The following PLD5 variants were observed in gnomAD, a reference collection of about 807,000 sequenced individuals.
PLD5 encodes phospholipase D family member 5.
Under a neutral mutation model 61.1 loss-of-function variants are expected in PLD5, and 36 were observed. The ratio of observed to expected loss-of-function variants is 0.59; its 90% confidence interval spans 0.45 to 0.78. PLD5 has a LOEUF of 0.78. PLD5 is among the 30% of genes least tolerant of loss of function. The pLI is 0.00. For missense variants in PLD5, 515 were observed against 644.4 expected, an observed-to-expected ratio of 0.80 and a Z score of 2.17; for synonymous variants, 243 against 242.8, an observed-to-expected ratio of 1.00 and a Z score of -0.01.
chr1:242,288,586 A>C, intron 2 of PLD5, 56 bp from the exon 3 acceptor site: 1 of 1,553,738 alleles, frequency 6.4e-7, no homozygotes, highest in Non-Finnish European at 8.7e-7. Flanking sequence ...TTGAAGCCAC[A>C]GATCTTTATA....
chr1:242,219,501 A>T (rs1157766913), intron 5 of PLD5, among the ~76,000 whole-genome samples: 1 of 152,216 alleles, frequency 6.6e-6, no homozygotes, highest in Non-Finnish European at 1.5e-5. Flanking sequence ...GACACAAATA[A>T]ATGCATAAAA....
At chr1:242,447,874 G>A (rs755213593) in intron 1 of PLD5, among the ~76,000 whole-genome samples, 2 of 152,162 alleles carry the variant, frequency 1.3e-5, no homozygotes, top group African/African-American at 2.4e-5. Flanking sequence ...ATGCTGGCGC[G>A]AGAGGGACTC....
chr1:242,329,664 G>A (rs1450221053), intron 2 of PLD5, among the ~76,000 whole-genome samples: 1 of 152,198 alleles, frequency 6.6e-6, no homozygotes, highest in Non-Finnish European at 1.5e-5. Context: ...AGGAGAAGGG[G>A]AGTTAATTCT....
chr1:242,179,871 C>G (rs1667403679), intron 5 of PLD5, among the ~76,000 whole-genome samples: 1 of 152,082 alleles, frequency 6.6e-6, no homozygotes, highest in African/African-American at 2.4e-5. Flanking sequence ...CCACTGCACT[C>G]CAGCCTAGGT....
At chr1:242,461,515 G>T (rs1667118070) in intron 1 of PLD5, among the ~76,000 whole-genome samples, 1 of 152,106 alleles carries the variant, frequency 6.6e-6, no homozygotes, top group African/African-American at 2.4e-5. Context: ...TAAATAATTT[G>T]TCCATTAATA....
chr1:242,397,580 T>C (rs1307260476), intron 1 of PLD5, among the ~76,000 whole-genome samples: 1 of 152,070 alleles, frequency 6.6e-6, no homozygotes, highest in Admixed American at 6.5e-5. Context: ...ATGTTCTCTG[T>C]TTCAATAGGG....
At chr1:242,219,218 A>G (rs1166480724) in intron 5 of PLD5, among the ~76,000 whole-genome samples, 1 of 152,218 alleles carries the variant, frequency 6.6e-6, no homozygotes, top group South Asian at 2.1e-4. Context: ...AGTTGAGCAT[A>G]ATAGAAAGGA....
intron 1 of PLD5, among the ~76,000 whole-genome samples, chr1:242,512,055 T>C (rs1025617871): frequency 1.3e-5 from 2 of 152,006 alleles, no homozygotes; most frequent in East Asian, 1.9e-4. Flanking sequence ...TAGGAATCAG[T>C]TGAGTCAGAA....
intron 4 of PLD5, among the ~76,000 whole-genome samples, chr1:242,233,492 A>G (rs1428645862): frequency 6.7e-6 from 1 of 148,592 alleles, no homozygotes; most frequent in African/African-American, 2.5e-5. Flanking sequence ...CTGATTTCTA[A>G]TGAGTCCCCT....
intron 4 of PLD5, among the ~76,000 whole-genome samples, chr1:242,243,168 C>A (rs575148294): frequency 4.6e-5 from 7 of 152,202 alleles, no homozygotes; most frequent in Non-Finnish European, 8.8e-5. Context: ...AACACATATG[C>A]CAGGGCCTGC....
intron 1 of PLD5, among the ~76,000 whole-genome samples, chr1:242,359,832 CT>C (rs1231075414): frequency 4.6e-5 from 7 of 152,112 alleles, no homozygotes; most frequent in South Asian, 2.1e-4. Context: ...GTAAATGAGT[CT>C]TTGCTATTGT....
chr1:242,527,168 T>C (rs1013275158), upstream of PLD5, among the ~76,000 whole-genome samples: 1 of 134,764 alleles, frequency 7.4e-6, no homozygotes, highest in African/African-American at 2.9e-5. Context: ...TCTTGCTCTC[T>C]CACCCAGGCT....
At chr1:242,510,810 A>C (rs1414513106) in intron 1 of PLD5, among the ~76,000 whole-genome samples, 1 of 151,682 alleles carries the variant, frequency 6.6e-6, no homozygotes, top group Non-Finnish European at 1.5e-5. Context: ...GCGCCACTGC[A>C]CTCCAGCCTG....
chr1:242,202,163 A>G (rs1669024030), intron 5 of PLD5, among the ~76,000 whole-genome samples: 1 of 152,170 alleles, frequency 6.6e-6, no homozygotes, highest in Non-Finnish European at 1.5e-5. Flanking sequence ...CAGTGAGCTG[A>G]GATGGTGCCA....
At chr1:242,432,773 C>T (rs1183804194) in intron 1 of PLD5, among the ~76,000 whole-genome samples, 9 of 151,414 alleles carry the variant, frequency 5.9e-5, no homozygotes, top group African/African-American at 2.2e-4. Context: ...TGTGGGAAGG[C>T]CAAATGGAAA....
chr1:242,282,319 G>A (rs1674758434), intron 3 of PLD5, among the ~76,000 whole-genome samples: 1 of 152,032 alleles, frequency 6.6e-6, no homozygotes, highest in South Asian at 2.1e-4. Flanking sequence ...TAATAAGTAG[G>A]TCAAAAAACA....
At chr1:242,190,474 C>G (rs770324494) in intron 5 of PLD5, among the ~76,000 whole-genome samples, 1 of 151,994 alleles carries the variant, frequency 6.6e-6, no homozygotes, top group Non-Finnish European at 1.5e-5. Flanking sequence ...GGACGAGGTG[C>G]TCCTCAGGGA....
intron 1 of PLD5, among the ~76,000 whole-genome samples, chr1:242,433,523 T>C (rs906335091): frequency 1.3e-5 from 2 of 152,238 alleles, no homozygotes; most frequent in Admixed American, 1.3e-4. Context: ...TCTGTAGTTA[T>C]TCATCTATTT....
chr1:242,345,147 T>C (rs1660056875), intron 2 of PLD5, among the ~76,000 whole-genome samples: 1 of 152,220 alleles, frequency 6.6e-6, no homozygotes, highest in Admixed American at 6.5e-5. Context: ...AGCCAAACCA[T>C]ATCACCCACT....
Sources: gnomAD v4.1 joint callset for allele counts (sites outside exome capture counted in the v4.1 genomes callset) on GRCh38, gnomAD v4.1.1 for gene constraint, MANE v1.5 for transcripts, NCBI Gene and HGNC (gene_info 2026-07-23, HGNC 2026-07-21) for gene names.